The following RANBP2 variants were observed in gnomAD, a reference collection of about 807,000 sequenced individuals.
RANBP2 encodes RAN binding protein 2.
In RANBP2, 57 loss-of-function variants were observed where a neutral mutation model predicts 303.6. The observed-to-expected ratio is 0.19, with a 90% CI of 0.15 to 0.23. The LOEUF (loss-of-function observed/expected upper bound fraction) is 0.23, where lower values mean the gene tolerates loss of function less well. RANBP2 is among the 10% of genes least tolerant of loss of function. The pLI is 1.00. For synonymous variants in RANBP2, 1,167 were observed against 1,301.5 expected, an observed-to-expected ratio of 0.90 and a Z score of 2.23; for missense variants, 3,138 against 3,780.8, an observed-to-expected ratio of 0.83 and a Z score of 4.46.
chr2:109,129,227 C>A, the RANBP2 span: 1 of 547,484 alleles, frequency 1.8e-6, no homozygotes, highest in African/African-American at 2.0e-5. Context: ...GAGCTTCGTG[C>A]CCGGCAGCAC....
At position 108,764,828 on chromosome 2, in the gene RANBP2, C is replaced by T. The variant is rs1303780933; in HGVS notation, c.4289C>T (p.Pro1430Leu). Residue 1430 changes from proline (P) to leucine (L), a missense_variant, in exon 20 of 29, where the codon CCT becomes CTT. This residue lies in a region of RANBP2 where 388 missense variants were observed against 328.5 expected (regional missense o/e 1.18). Coordinates refer to ENST00000283195, the MANE Select transcript of RANBP2 (RefSeq NM_006267.5). ...AGTATTTGTTTAGTAAGAAATGAAC[C>T]TACTGTATCTAGGTGCATTGCGTGT... ...DCSICLVRNE[P>L]TVSRCIACQN... 6.2e-7 allele frequency: 1 copy of T among 1,614,012 alleles called. No individual in the cohort carries two copies. Among genetic ancestry groups the T allele is most frequent in the Non-Finnish European group, 8.5e-7 (1 of 1,179,946 alleles).
the RANBP2 span, among the ~76,000 whole-genome samples, chr2:109,039,361 T>C: frequency 6.6e-6 from 1 of 152,242 alleles, no homozygotes; most frequent in Non-Finnish European, 1.5e-5. Context: ...TTAAGATTTT[T>C]TTTTTTTGAG....
chr2:109,298,660 C>T, the RANBP2 span, among the ~76,000 whole-genome samples: 4 of 152,090 alleles, frequency 2.6e-5, no homozygotes, highest in African/African-American at 9.7e-5. Flanking sequence ...TCCGTGCTCC[C>T]TCTGGCCAGG....
chr2:109,560,380 G>A, the RANBP2 span, among the ~76,000 whole-genome samples: 3 of 152,060 alleles, frequency 2.0e-5, no homozygotes, highest in Non-Finnish European at 4.4e-5. Flanking sequence ...GTTCCAAGAC[G>A]TGACACTGCT....
At chr2:109,527,945 C>A in the RANBP2 span, among the ~76,000 whole-genome samples, 1 of 152,026 alleles carries the variant, frequency 6.6e-6, no homozygotes, top group South Asian at 2.1e-4. Context: ...GGCTGGAGGG[C>A]GAGGAGGATG....
chr2:109,423,139 G>A, the RANBP2 span, among the ~76,000 whole-genome samples: 1 of 152,128 alleles, frequency 6.6e-6, no homozygotes, highest in Admixed American at 6.5e-5. Context: ...CACCCAGATG[G>A]CACCTGAGGG....
the RANBP2 span, among the ~76,000 whole-genome samples, chr2:109,059,692 G>A: frequency 3.3e-5 from 5 of 152,292 alleles, no homozygotes; most frequent in South Asian, 2.1e-4. Flanking sequence ...TGCCAGCCCC[G>A]GGACAGGGGC....
chr2:108,896,819 C>A, the RANBP2 span: 13 of 1,335,438 alleles, frequency 9.7e-6, no homozygotes, highest in Non-Finnish European at 1.4e-5. Flanking sequence ...AGCCTTGATT[C>A]TTGGCAGTCT....
the RANBP2 span, among the ~76,000 whole-genome samples, chr2:108,939,060 G>T: frequency 6.6e-6 from 1 of 152,036 alleles, no homozygotes; most frequent in Non-Finnish European, 1.5e-5. Context: ...TTACAGGCAT[G>T]AGCCACCGTG....
the RANBP2 span, among the ~76,000 whole-genome samples, chr2:108,923,626 G>C: frequency 6.6e-6 from 1 of 152,234 alleles, no homozygotes; most frequent in African/African-American, 2.4e-5. Flanking sequence ...GTTTCAGCCT[G>C]TCTTGAAATG....
chr2:108,740,391 C>T, intron 6 of RANBP2, 98 bp from the exon 7 acceptor site: 1 of 1,551,910 alleles, frequency 6.4e-7, no homozygotes. Flanking sequence ...GAAGATGAAG[C>T]TTGAAATAAA....
chr2:109,050,567 T>G, the RANBP2 span, among the ~76,000 whole-genome samples: 1 of 152,144 alleles, frequency 6.6e-6, no homozygotes, highest in Non-Finnish European at 1.5e-5. Flanking sequence ...TTTTACTTTT[T>G]AATGCGATTA....
At chr2:108,963,349 C>G in the RANBP2 span, among the ~76,000 whole-genome samples, 1 of 152,210 alleles carries the variant, frequency 6.6e-6, no homozygotes, top group African/African-American at 2.4e-5. Flanking sequence ...CCTTCAAAAT[C>G]TGTTTCTAGG....
At chr2:109,397,286 T>C in the RANBP2 span, among the ~76,000 whole-genome samples, 1 of 148,330 alleles carries the variant, frequency 6.7e-6, no homozygotes. Context: ...AGCTGGCATT[T>C]ACTCAGTTTT....
the RANBP2 span, among the ~76,000 whole-genome samples, chr2:109,262,527 G>A: frequency 6.6e-6 from 1 of 152,110 alleles, no homozygotes; most frequent in Admixed American, 6.5e-5. Context: ...CTTTCCTTGC[G>A]GCCTCATCCT....
the RANBP2 span, among the ~76,000 whole-genome samples, chr2:109,700,676 A>G: frequency 2.0e-5 from 3 of 152,200 alleles, no homozygotes; most frequent in African/African-American, 2.4e-5. Context: ...TGGGGGTCCA[A>G]GATATTTTCC....
the RANBP2 span, among the ~76,000 whole-genome samples, chr2:109,596,194 G>A: frequency 5.3e-5 from 8 of 152,208 alleles, no homozygotes; most frequent in East Asian, 1.5e-3. Flanking sequence ...ACCACACCCG[G>A]CTGAAAATCA....
At chr2:109,436,280 A>C in the RANBP2 span, among the ~76,000 whole-genome samples, 1 of 152,220 alleles carries the variant, frequency 6.6e-6, no homozygotes, top group South Asian at 2.1e-4. Flanking sequence ...TTAATTGCAA[A>C]TACACAGAGG....
the RANBP2 span, among the ~76,000 whole-genome samples, chr2:108,996,679 T>C: frequency 3.3e-5 from 5 of 151,868 alleles, no homozygotes; most frequent in Middle Eastern, 3.4e-3. Flanking sequence ...TCAGTGATCT[T>C]ACCAGCAACA....
Sources: allele counts gnomAD v4.1 joint callset (sites outside exome capture counted in the v4.1 genomes callset), GRCh38; gene constraint gnomAD v4.1.1; regional missense constraint gnomAD v4.1.1; transcripts MANE v1.5; gene names NCBI Gene and HGNC (gene_info 2026-07-23, HGNC 2026-07-21).